MYH15: variants seen among roughly 807,000 people sequenced by gnomAD.
MYH15 encodes the protein myosin heavy chain 15.
In MYH15, 227 loss-of-function variants were observed where a neutral mutation model predicts 240.5. The observed-to-expected ratio is 0.94, with a 90% CI of 0.85 to 1.05. The LOEUF (loss-of-function observed/expected upper bound fraction) is 1.05. Among genes scored for constraint, MYH15 ranks in the 50% least tolerant of loss-of-function variants. The probability of loss-of-function intolerance (pLI) is 0.00; values close to 1 mark genes in which losing one functional copy is unlikely to be tolerated. For missense variants in MYH15, 2,217 were observed against 2,247.5 expected (o/e 0.99, Z 0.27); for synonymous variants, 785 against 796.7 (o/e 0.99, Z 0.25).
intron 2 of MYH15, among the ~76,000 whole-genome samples, chr3:108,502,295 C>A (rs2083444665): frequency 6.6e-6 from 1 of 152,138 alleles, no homozygotes; most frequent in African/African-American, 2.4e-5. Context: ...CCTGTCTCCT[C>A]CCTCAAACCT....
intron 40 of MYH15, among the ~76,000 whole-genome samples, chr3:108,381,861 G>A (rs867997427): frequency 6.6e-6 from 1 of 152,146 alleles, no homozygotes; most frequent in Non-Finnish European, 1.5e-5. Context: ...CACATCACCA[G>A]TTTGCTCCCC....
chr3:108,391,719 A>G (rs757520249), intron 37 of MYH15, 41 bp downstream of exon 37: 16 of 1,583,354 alleles, frequency 1.0e-5, no homozygotes, highest in South Asian at 5.9e-5. Context: ...GAGGTCTTGA[A>G]TTGGGGACTG....
chr3:108,501,065 C>A (rs1259797048), intron 3 of MYH15, among the ~76,000 whole-genome samples: 1 of 152,146 alleles, frequency 6.6e-6, no homozygotes, highest in Admixed American at 6.5e-5. Context: ...TTTAAGCCAC[C>A]CAGCTTGTGG....
intron 21 of MYH15, among the ~76,000 whole-genome samples, chr3:108,447,203 T>G (rs1210498180): frequency 6.6e-6 from 1 of 151,978 alleles, no homozygotes; most frequent in Non-Finnish European, 1.5e-5. Context: ...ATGAAAAGAA[T>G]GAAGAATGCC....
chr3:108,535,106 A>G, the MYH15 span, among the ~76,000 whole-genome samples: 1 of 152,112 alleles, frequency 6.6e-6, no homozygotes, highest in Non-Finnish European at 1.5e-5. Context: ...AAATTTCAAA[A>G]CATGGTTCCC....
upstream of MYH15, among the ~76,000 whole-genome samples, chr3:108,511,334 G>A (rs1466011238): frequency 6.6e-6 from 1 of 152,310 alleles, no homozygotes; most frequent in East Asian, 1.9e-4. Context: ...GCCAAGAGCA[G>A]TAATGAAGAA....
chr3:108,448,878 C>CAA (rs142294441), intron 21 of MYH15, among the ~76,000 whole-genome samples: 3 of 150,678 alleles, frequency 2.0e-5, no homozygotes, highest in African/African-American at 7.3e-5. Flanking sequence ...TAAAAACCAC[C>CAA]AAAAAAACAG....
At chr3:108,537,492 A>G in the MYH15 span, among the ~76,000 whole-genome samples, 1 of 152,196 alleles carries the variant, frequency 6.6e-6, no homozygotes, top group Non-Finnish European at 1.5e-5. Flanking sequence ...CACAAATGGG[A>G]TACATGAAAT....
At position 108,463,136 on chromosome 3, in the gene MYH15, A is replaced by G; in HGVS notation, c.1839T>C (p.Phe613=). 6.2e-7 allele frequency: 1 copy of G among 1,611,568 alleles called. No homozygotes were observed. The highest frequency in any genetic ancestry group is 8.5e-7 in the Non-Finnish European group (1 of 1,179,228). ...CACTGTCAGTACTCATGTAATTTTC[A>G]AAAAGGCTCGCCAGGAGTCTGTTGG... ...KSSNRLLASL[F]ENYMSTDSAI... Residue 613 remains phenylalanine (F), a synonymous_variant, in exon 16 of 41, where the codon TTT becomes TTC. Transcript: ENST00000693548.
At chr3:108,397,330 CT>C (rs1310968388) in intron 35 of MYH15, among the ~76,000 whole-genome samples, 1 of 152,196 alleles carries the variant, frequency 6.6e-6, no homozygotes, top group Non-Finnish European at 1.5e-5. Context: ...CTCCTTCCCC[CT>C]GCCCCCATGT....
chr3:108,542,876 C>T, the MYH15 span, among the ~76,000 whole-genome samples: 3 of 145,226 alleles, frequency 2.1e-5, no homozygotes, highest in East Asian at 2.0e-4. Context: ...GACATGATCT[C>T]GTTCCTTTTT....
chr3:108,497,011 A>C (rs1048554493), intron 6 of MYH15, among the ~76,000 whole-genome samples: 1 of 151,652 alleles, frequency 6.6e-6, no homozygotes, highest in African/African-American at 2.4e-5. Flanking sequence ...AATACAAAAA[A>C]TTAGCCGGGC....
At chr3:108,534,317 T>G (rs1359803419), upstream of MYH15, among the ~76,000 whole-genome samples, 1 of 152,208 alleles carries the variant, frequency 6.6e-6, no homozygotes, top group Non-Finnish European at 1.5e-5. Flanking sequence ...ACCAGCCTAT[T>G]TGATAGTATA....
At chr3:108,408,242 T>C in intron 32 of MYH15, 38 bp downstream of exon 32, 3 of 1,589,804 alleles carry the variant, frequency 1.9e-6, no homozygotes, top group Non-Finnish European at 1.7e-6. Context: ...TTCTGCCTTG[T>C]CACAGTGAAA....
chr3:108,463,285 A>C, intron 15 of MYH15, 42 bp from the exon 16 acceptor site: 1 of 1,568,060 alleles, frequency 6.4e-7, no homozygotes, highest in Non-Finnish European at 8.6e-7. Context: ...AAGAAAAAAA[A>C]CTGCATAAGT....
intron 25 of MYH15, among the ~76,000 whole-genome samples, chr3:108,435,861 C>T (rs1049100581): frequency 2.7e-5 from 4 of 149,454 alleles, no homozygotes; most frequent in Middle Eastern, 3.5e-3. Flanking sequence ...CACACACACA[C>T]ATCACATTTT....
intron 14 of MYH15, among the ~76,000 whole-genome samples, chr3:108,468,571 G>C (rs1378276610): frequency 6.6e-6 from 1 of 152,118 alleles, no homozygotes; most frequent in Admixed American, 6.5e-5. Context: ...TGTTAAAATT[G>C]TTTGTAGAAA....
At chr3:108,471,708 T>C (rs992189338) in intron 12 of MYH15, among the ~76,000 whole-genome samples, 27 of 152,184 alleles carry the variant, frequency 1.8e-4, no homozygotes, top group African/African-American at 6.5e-4. Flanking sequence ...TCCCCACTTA[T>C]CCTTGTTTTA....
At chr3:108,473,009 C>CT (rs1458102980) in intron 12 of MYH15, among the ~76,000 whole-genome samples, 1 of 151,998 alleles carries the variant, frequency 6.6e-6, no homozygotes, top group African/African-American at 2.4e-5. Context: ...AATAGTTAAT[C>CT]TTTTTTGTTT....
Sources: allele counts gnomAD v4.1 joint callset (sites outside exome capture counted in the v4.1 genomes callset), GRCh38; gene constraint gnomAD v4.1.1; transcripts MANE v1.5; gene names NCBI Gene and HGNC (gene_info 2026-07-23, HGNC 2026-07-21).